The following NHS variants were observed in gnomAD, a reference collection of about 807,000 sequenced individuals.
The protein encoded by NHS is NHS actin remodeling regulator.
NHS carries 5 observed loss-of-function variants against 72.5 expected under a neutral mutation model. The observed-to-expected ratio is 0.07, with a 90% confidence interval of 0.04 to 0.14. NHS has a LOEUF of 0.14. Ranked by LOEUF, NHS falls within the 10% of genes least tolerant of loss-of-function variation. The pLI is 1.00. For synonymous variants in NHS, 464 were observed against 547.7 expected (o/e 0.85, Z 2.13); for missense variants, 1,072 against 1,355.7 (o/e 0.79, Z 3.29).
intron 1 of NHS, among the ~76,000 whole-genome samples, chrX:17,480,433 T>A (rs2064941744): frequency 9.0e-6 from 1 of 111,199 alleles, no homozygotes; most frequent in Admixed American, 9.6e-5. Context: ...CCAAAACAGA[T>A]ATATAGGCCA....
chrX:17,566,615 A>G (rs970692700), intron 1 of NHS, among the ~76,000 whole-genome samples: 1 of 111,703 alleles, frequency 9.0e-6, no homozygotes, highest in Non-Finnish European at 1.9e-5. Flanking sequence ...AGACCTTGGA[A>G]TTCATTGTCT....
chrX:17,404,955 G>A, intron 1 of NHS, among the ~76,000 whole-genome samples: 1 of 111,578 alleles, frequency 9.0e-6, no homozygotes, highest in Middle Eastern at 4.6e-3. Flanking sequence ...TCTATAGTCA[G>A]AATAGGCTAA....
intron 1 of NHS, among the ~76,000 whole-genome samples, chrX:17,380,061 C>T (rs940480780): frequency 9.0e-6 from 1 of 111,425 alleles, no homozygotes; most frequent in Admixed American, 9.5e-5. Flanking sequence ...GGACTTAGCC[C>T]AGGGCAGTCC....
chrX:17,567,410 C>G (rs2065450095), intron 1 of NHS, among the ~76,000 whole-genome samples: 1 of 112,296 alleles, frequency 8.9e-6, no homozygotes, highest in Non-Finnish European at 1.9e-5. Context: ...CTTCCTTCCC[C>G]CTCAGCTCAG....
chrX:17,687,667 C>A (rs1282154245), intron 1 of NHS, 75 bp from the exon 2 acceptor site: 1 of 1,138,930 alleles, frequency 8.8e-7, no homozygotes, highest in African/African-American at 1.8e-5. Flanking sequence ...CTCCTGTCCT[C>A]TTCCCCACCC....
intron 1 of NHS, among the ~76,000 whole-genome samples, chrX:17,666,539 C>T (rs1277657814): frequency 8.9e-6 from 1 of 112,679 alleles, no homozygotes; most frequent in Admixed American, 9.3e-5. Flanking sequence ...TGGGAAAAGA[C>T]CCCAAGGTTT....
intron 1 of NHS, among the ~76,000 whole-genome samples, chrX:17,646,531 TACATG>T (rs2065906552): frequency 9.0e-6 from 1 of 111,504 alleles, no homozygotes; most frequent in Non-Finnish European, 1.9e-5. Flanking sequence ...CCCAATTGAG[TACATG>T]ATACTTTTAT....
intron 1 of NHS, among the ~76,000 whole-genome samples, chrX:17,519,554 C>A (rs1264241272): frequency 1.8e-5 from 2 of 111,798 alleles, no homozygotes; most frequent in African/African-American, 6.5e-5. Context: ...GCCAGCTGGA[C>A]TGAGACCCAG....
intron 1 of NHS, among the ~76,000 whole-genome samples, chrX:17,408,954 G>GGA (rs369974924): frequency 0.062 from 6,400 of 103,222 alleles, 211 homozygotes; most frequent in African/African-American, 0.12. Flanking sequence ...GACGGAGAGA[G>GGA]GAGAGAGAGA....
chrX:17,399,172 G>C (rs1480927374), intron 1 of NHS, among the ~76,000 whole-genome samples: 1 of 109,575 alleles, frequency 9.1e-6, no homozygotes, highest in Admixed American at 9.7e-5. Context: ...TACTATCTCA[G>C]CTTACTGCGA....
intron 3 of NHS, among the ~76,000 whole-genome samples, chrX:17,694,387 G>C (rs2066215112): frequency 8.9e-6 from 1 of 112,451 alleles, no homozygotes; most frequent in Non-Finnish European, 1.9e-5. Context: ...AAGACAAATG[G>C]CTGCAGGTAT....
chrX:17,475,468 C>T (rs1170351810), intron 1 of NHS, among the ~76,000 whole-genome samples: 1 of 112,158 alleles, frequency 8.9e-6, no homozygotes, highest in East Asian at 2.8e-4. Context: ...GAGCTTGACC[C>T]CAATTCTTCT....
chrX:17,593,746 CATGTCT>C (rs768889970), intron 1 of NHS, among the ~76,000 whole-genome samples: 20 of 111,782 alleles, frequency 1.8e-4, no homozygotes, highest in African/African-American at 6.5e-4. Context: ...AAACTTCTTA[CATGTCT>C]ATGTCTATGT....
intron 1 of NHS, among the ~76,000 whole-genome samples, chrX:17,537,846 C>T (rs1052640099): frequency 1.3e-4 from 14 of 111,738 alleles, no homozygotes; most frequent in African/African-American, 3.3e-4. Context: ...AGAGACAATG[C>T]CCGACTGGAG....
At chrX:17,445,539 A>G (rs1044025415) in intron 1 of NHS, among the ~76,000 whole-genome samples, 1 of 111,116 alleles carries the variant, frequency 9.0e-6, no homozygotes, top group Non-Finnish European at 1.9e-5. Flanking sequence ...TTGACCAAAC[A>G]TTGATCTTGG....
In NHS at chrX:17,719,370, C is replaced by T. The variant is rs758401009; in HGVS notation, c.879C>T (p.Pro293=). ...TTAACAGCACCCGTTCGCCCTCCCC[C>T]ACTGAATGTTGCCACATGACCCCGT... ...LTFNSTRSPS[P]TECCHMTPWS... Residue 293 remains proline (P), a synonymous_variant, in exon 4 of 9, where the codon CCC becomes CCT. Coordinates refer to ENST00000676302, the MANE Select transcript of NHS (RefSeq NM_001291867.2). 9 of 1,165,127 alleles carry T rather than the reference C, an allele frequency of 7.7e-6. No homozygotes were observed. In the African/African-American group the frequency reaches 1.1e-4, roughly 14 times the overall value.
At chrX:17,595,245 C>A (rs1255961884) in intron 1 of NHS, among the ~76,000 whole-genome samples, 2 of 111,612 alleles carry the variant, frequency 1.8e-5, no homozygotes, top group Non-Finnish European at 3.8e-5. Flanking sequence ...GAGTGGGTAC[C>A]AAGCAAGGAT....
chrX:17,523,359 G>T (rs112584304), intron 1 of NHS, among the ~76,000 whole-genome samples: 2,285 of 112,128 alleles, frequency 0.02, 64 homozygotes, highest in African/African-American at 0.07. Context: ...TCAGCAGCAG[G>T]TGCCACTTGA....
intron 4 of NHS, among the ~76,000 whole-genome samples, chrX:17,719,748 G>C (rs1014405119): frequency 2.7e-5 from 3 of 111,459 alleles, no homozygotes; most frequent in African/African-American, 9.8e-5. Context: ...AGGAGAACAA[G>C]ACAAAAGGAT....
Sources: gnomAD v4.1 joint callset for allele counts (sites outside exome capture counted in the v4.1 genomes callset) on GRCh38, gnomAD v4.1.1 for gene constraint, MANE v1.5 for transcripts, NCBI Gene and HGNC (gene_info 2026-07-23, HGNC 2026-07-21) for gene names.